STAU2: variants seen among roughly 807,000 people sequenced by gnomAD.
STAU2 encodes double-stranded RNA-binding protein Staufen homolog 2.
A neutral mutation model predicts 65.9 loss-of-function variants in STAU2; 20 were observed. The observed-to-expected ratio is 0.30, with a 90% CI of 0.21 to 0.44. The LOEUF (loss-of-function observed/expected upper bound fraction) is 0.44, where lower values mean the gene tolerates loss of function less well. Ranked by LOEUF, STAU2 falls within the 20% of genes least tolerant of loss-of-function variation. STAU2 has a pLI of 1.00. For synonymous variants in STAU2, 232 were observed against 233.9 expected (o/e 0.99, Z 0.07); for missense variants, 558 against 683.9 (o/e 0.82, Z 2.05).
At chr8:73,431,492 A>G (rs902131392) in intron 13 of STAU2, among the ~76,000 whole-genome samples, 17 of 152,212 alleles carry the variant, frequency 1.1e-4, no homozygotes, top group Non-Finnish European at 1.9e-4. Flanking sequence ...GTCAACACAT[A>G]TTCATTTGCA....
intron 5 of STAU2, among the ~76,000 whole-genome samples, chr8:73,687,423 A>G (rs940965188): frequency 7.5e-6 from 1 of 133,984 alleles, no homozygotes; most frequent in Non-Finnish European, 1.6e-5. Context: ...TAATTTAAAT[A>G]TAAATATATA....
intron 13 of STAU2, among the ~76,000 whole-genome samples, chr8:73,513,912 C>A (rs927041691): frequency 5.9e-5 from 9 of 152,240 alleles, no homozygotes; most frequent in Middle Eastern, 3.4e-3. Context: ...ATGGGAGCAC[C>A]CGCAGGCAGA....
intron 7 of STAU2, among the ~76,000 whole-genome samples, chr8:73,616,537 G>A (rs1023839878): frequency 6.6e-6 from 1 of 152,120 alleles, no homozygotes; most frequent in South Asian, 2.1e-4. Context: ...GGTGGCTCAC[G>A]CCTGTAATCC....
chr8:73,461,897 C>T (rs1819369839), intron 13 of STAU2, among the ~76,000 whole-genome samples: 1 of 152,164 alleles, frequency 6.6e-6, no homozygotes, highest in Non-Finnish European at 1.5e-5. Context: ...CTCAGCAGCT[C>T]TGCCCAGGCT....
chr8:73,493,392 T>C (rs1821240373), intron 13 of STAU2, among the ~76,000 whole-genome samples: 1 of 151,694 alleles, frequency 6.6e-6, no homozygotes, highest in Non-Finnish European at 1.5e-5. Flanking sequence ...AAAACATATA[T>C]GACAAGGGTT....
chr8:73,582,964 T>C (rs949334526), intron 11 of STAU2, 134 bp from the exon 12 acceptor site: 1 of 684,800 alleles, frequency 1.5e-6, no homozygotes, highest in Non-Finnish European at 2.5e-6. Context: ...TCTTTGACCC[T>C]GGGATGATGG....
intron 13 of STAU2, among the ~76,000 whole-genome samples, chr8:73,539,292 CA>C (rs1486933028): frequency 6.6e-6 from 1 of 152,034 alleles, no homozygotes; most frequent in African/African-American, 2.4e-5. Context: ...CAATAGACAC[CA>C]AACTCAATAC....
At chr8:73,626,489 A>T (rs566679698) in intron 6 of STAU2, among the ~76,000 whole-genome samples, 4 of 152,346 alleles carry the variant, frequency 2.6e-5, no homozygotes, top group African/African-American at 9.6e-5. Flanking sequence ...GACATGATTT[A>T]AAAGGATCTT....
intron 13 of STAU2, among the ~76,000 whole-genome samples, chr8:73,469,290 C>T (rs1219986894): frequency 4.6e-5 from 7 of 151,972 alleles, no homozygotes; most frequent in Non-Finnish European, 1.0e-4. Flanking sequence ...GAACATCACA[C>T]ACCAGGGCCT....
intron 12 of STAU2, among the ~76,000 whole-genome samples, chr8:73,567,487 AC>A (rs1345267555): frequency 6.6e-6 from 1 of 152,142 alleles, no homozygotes; most frequent in Non-Finnish European, 1.5e-5. Context: ...AGCCTGGGCA[AC>A]AAGAAAACGA....
chr8:73,729,458 A>C (rs1166786388), intron 3 of STAU2, among the ~76,000 whole-genome samples: 2 of 152,058 alleles, frequency 1.3e-5, no homozygotes, highest in African/African-American at 2.4e-5. Context: ...CTCCTCTCCA[A>C]TTTTTTGGAA....
rs947703847 is a variant in STAU2, at chr8:73,486,237, T to C, written c.1531-63535A>G. On this transcript the variant is annotated intron_variant, in intron 13 of 14. Transcript: ENST00000524300. ...TGCCATTAGTAAACACTCCACTTTT[T>C]TTGTTGAATAAATAAGTAAATGAAC... 8.5e-4 allele frequency among the ~76,000 whole-genome samples: 130 copies of C among 152,242 alleles called. 1 individual carries two copies. The highest frequency in any genetic ancestry group is 4.3e-4 in the Non-Finnish European group (29 of 67,992).
intron 11 of STAU2, among the ~76,000 whole-genome samples, chr8:73,584,233 A>C (rs1302420054): frequency 6.6e-6 from 1 of 152,156 alleles, no homozygotes; most frequent in Non-Finnish European, 1.5e-5. Flanking sequence ...TATCTCTTTA[A>C]AACACAAATT....
intron 13 of STAU2, among the ~76,000 whole-genome samples, chr8:73,494,746 T>G (rs1821314450): frequency 6.6e-6 from 1 of 151,704 alleles, no homozygotes; most frequent in Non-Finnish European, 1.5e-5. Flanking sequence ...GAGACTCTTT[T>G]AAAAATGATC....
intron 5 of STAU2, among the ~76,000 whole-genome samples, chr8:73,687,888 A>AT (rs1158197816): frequency 3.3e-5 from 5 of 150,280 alleles, no homozygotes; most frequent in African/African-American, 9.8e-5. Flanking sequence ...ATTTTTTTGT[A>AT]TTTTTTTAGT....
chr8:73,549,394 C>T (rs763229808), intron 13 of STAU2, among the ~76,000 whole-genome samples: 4 of 152,104 alleles, frequency 2.6e-5, no homozygotes, highest in Non-Finnish European at 5.9e-5. Flanking sequence ...AACAGAACTG[C>T]TGAGAATGTG....
intron 13 of STAU2, among the ~76,000 whole-genome samples, chr8:73,460,423 C>G (rs533539428): frequency 6.6e-6 from 1 of 152,112 alleles, no homozygotes; most frequent in South Asian, 2.1e-4. Context: ...CTACAGGGGA[C>G]GAGAGAGGTT....
intron 6 of STAU2, among the ~76,000 whole-genome samples, chr8:73,655,004 C>A (rs1190004593): frequency 6.6e-6 from 1 of 152,162 alleles, no homozygotes; most frequent in African/African-American, 2.4e-5. Context: ...TCTTAAACCA[C>A]CACATTTGCC....
chr8:73,427,624 T>C (rs555674642), intron 13 of STAU2, among the ~76,000 whole-genome samples: 10 of 152,374 alleles, frequency 6.6e-5, no homozygotes, highest in Non-Finnish European at 1.3e-4. Context: ...CTGAGGGCAG[T>C]GCATGTGCCC....
Sources: gnomAD v4.1 joint callset for allele counts (sites outside exome capture counted in the v4.1 genomes callset) on GRCh38, gnomAD v4.1.1 for gene constraint, MANE v1.5 for transcripts, NCBI Gene and HGNC (gene_info 2026-07-23, HGNC 2026-07-21) for gene names.